Variants in EPHA6 observed in about 807,000 individuals in gnomAD.
EPHA6 encodes the protein ephrin type-A receptor 6.
In EPHA6, 50 loss-of-function variants were observed where a neutral mutation model predicts 112.0. That is an observed-to-expected ratio of 0.45 (90% confidence interval 0.36 to 0.56). The LOEUF is 0.56. EPHA6 is among the 20% of genes least tolerant of loss of function. The pLI, the probability that EPHA6 is intolerant of heterozygous loss-of-function variation, is 0.00. For synonymous variants in EPHA6, 529 were observed against 490.7 expected (o/e 1.08, Z -1.03); for missense variants, 1,280 against 1,417.4 (o/e 0.90, Z 1.56).
At chr3:97,196,467 T>G (rs763390828) in intron 3 of EPHA6, among the ~76,000 whole-genome samples, 5 of 152,060 alleles carry the variant, frequency 3.3e-5, no homozygotes, top group Non-Finnish European at 7.4e-5. Flanking sequence ...TCTCTGTCAC[T>G]CTGGGGTTGA....
At chr3:97,288,749 CT>C (rs1006101562) in intron 5 of EPHA6, among the ~76,000 whole-genome samples, 9 of 151,548 alleles carry the variant, frequency 5.9e-5, no homozygotes, top group Non-Finnish European at 1.2e-4. Flanking sequence ...TGTTTCTTGA[CT>C]TTTTTTATAA....
At chr3:97,162,041 T>A (rs1425467401) in intron 3 of EPHA6, among the ~76,000 whole-genome samples, 3 of 152,170 alleles carry the variant, frequency 2.0e-5, no homozygotes, top group Non-Finnish European at 4.4e-5. Flanking sequence ...GCATATCAGG[T>A]ACAAGATGAA....
rs115753789 is a variant in EPHA6 at position 97,059,202 on chromosome 3, A to G, written c.1114+71209A>G. Among the ~76,000 whole-genome samples the G allele has an allele frequency of 2.9e-3, 442 of 152,314 alleles. 3 individuals are homozygous for G. The highest frequency in any genetic ancestry group is 9.6e-3 in the African/African-American group (401 of 41,586). ...ATATGCCTCTTAGTATCTGATTTTCAGAGTCATTGAACTAGGTCTCTGAGA... is the reference window on the plus strand; with the variant it reads ...ATATGCCTCTTAGTATCTGATTTTCGGAGTCATTGAACTAGGTCTCTGAGA... On this transcript the variant is annotated intron_variant, in intron 3 of 17. Coordinates refer to ENST00000389672, the MANE Select transcript of EPHA6 (RefSeq NM_001080448.3).
In EPHA6 at chr3:97,750,930, T is replaced by G. The variant is rs1313332304; in HGVS notation, c.*2229T>G. Among the ~76,000 whole-genome samples the G allele has an allele frequency of 6.6e-6, 1 of 152,166 alleles. No homozygotes were observed. The highest frequency in any genetic ancestry group is 1.5e-5 in the Non-Finnish European group (1 of 68,028). On this transcript the variant is annotated 3_prime_UTR_variant, in exon 18 of 18. Transcript: ENST00000389672. Reference sequence around the variant, plus strand: ...TTCCAGCCATCAACCTGCATGGTTGTGCATCACTCATAGACTATCTGCAGT... The same window carrying G: ...TTCCAGCCATCAACCTGCATGGTTGGGCATCACTCATAGACTATCTGCAGT...
At chr3:97,656,156 T>A (rs1293043808) in intron 14 of EPHA6, among the ~76,000 whole-genome samples, 13 of 151,926 alleles carry the variant, frequency 8.6e-5, no homozygotes, top group Admixed American at 8.5e-4. Context: ...GGTAGCCTTC[T>A]GTTTGGTATA....
intron 2 of EPHA6, among the ~76,000 whole-genome samples, chr3:96,943,448 AT>A: frequency 6.6e-6 from 1 of 152,176 alleles, no homozygotes; most frequent in Non-Finnish European, 1.5e-5. Context: ...AAGATTTTTA[AT>A]ATCCTGAATT....
intron 5 of EPHA6, among the ~76,000 whole-genome samples, chr3:97,279,907 C>T (rs1157702171): frequency 2.0e-5 from 3 of 152,006 alleles, no homozygotes; most frequent in African/African-American, 7.3e-5. Context: ...TTTTTTGAGA[C>T]AGAGTCTTGC....
intron 10 of EPHA6, among the ~76,000 whole-genome samples, chr3:97,514,751 GA>G (rs2092421082): frequency 6.6e-6 from 1 of 152,064 alleles, no homozygotes; most frequent in East Asian, 1.9e-4. Context: ...TCATAGAAGA[GA>G]AAGAGAGAGA....
chr3:97,309,819 A>G (rs1022945608), intron 5 of EPHA6, among the ~76,000 whole-genome samples: 19 of 151,658 alleles, frequency 1.3e-4, no homozygotes, highest in African/African-American at 4.3e-4. Context: ...GAACAAACAA[A>G]ATGTTTTTAG....
At chr3:97,226,541 A>G in intron 4 of EPHA6, 122 bp downstream of exon 4, 1 of 901,718 alleles carries the variant, frequency 1.1e-6, no homozygotes, top group East Asian at 2.5e-5. Flanking sequence ...TGTCTGTGAT[A>G]ACAGTCAAGG....
At chr3:96,908,200 A>G (rs552231443) in intron 2 of EPHA6, among the ~76,000 whole-genome samples, 1 of 152,026 alleles carries the variant, frequency 6.6e-6, no homozygotes, top group African/African-American at 2.4e-5. Context: ...TTATACTAGT[A>G]TGGGACCACC....
intron 16 of EPHA6, among the ~76,000 whole-genome samples, chr3:97,743,534 A>G (rs2035593205): frequency 6.6e-6 from 1 of 152,140 alleles, no homozygotes; most frequent in African/African-American, 2.4e-5. Context: ...TTAACAAATT[A>G]TTAAGCATCC....
chr3:97,206,519 A>C (rs1015027385), intron 3 of EPHA6, among the ~76,000 whole-genome samples: 5 of 151,910 alleles, frequency 3.3e-5, no homozygotes, highest in Admixed American at 3.3e-4. Context: ...GCTTACATCT[A>C]TTTGCTCATT....
intron 11 of EPHA6, among the ~76,000 whole-genome samples, chr3:97,588,278 G>A (rs2093510261): frequency 6.6e-6 from 1 of 152,080 alleles, no homozygotes; most frequent in African/African-American, 2.4e-5. Flanking sequence ...AACAGAAGAG[G>A]ACCAAACACA....
At position 96,814,906 on chromosome 3, in the gene EPHA6, A is replaced by G. The variant is rs772574696; in HGVS notation, c.283A>G (p.Met95Val). The G allele has an allele frequency of 6.4e-7, 1 of 1,553,256 alleles. No individual in the cohort carries two copies. Among genetic ancestry groups the G allele is most frequent in the East Asian group, 2.4e-5 (1 of 40,962 alleles). ...RERKREPRRT[M>V]GGCEVREFLL... ...GAGGAAAAGAGAGCCTAGGAGAACC[A>G]TGGGGGGCTGCGAAGTCCGGGAATT... Residue 95 changes from methionine to valine, a missense_variant, in exon 1 of 18, where the codon ATG becomes GTG. By Grantham distance (21) the Met-to-Val change is conservative (BLOSUM62 1). Around this residue, in one of 4 missense-constraint regions of EPHA6, gnomAD observed 220 missense variants for 171.5 expected, o/e 1.28. Coordinates refer to ENST00000389672, the MANE Select transcript of EPHA6 (RefSeq NM_001080448.3).
chr3:97,269,149 T>C (rs749063590), intron 5 of EPHA6, among the ~76,000 whole-genome samples: 1 of 152,196 alleles, frequency 6.6e-6, no homozygotes, highest in Non-Finnish European at 1.5e-5. Context: ...AGATTTTAGA[T>C]ACACATACGC....
At chr3:96,944,761 G>A (rs1222670948) in intron 2 of EPHA6, among the ~76,000 whole-genome samples, 2 of 152,122 alleles carry the variant, frequency 1.3e-5, no homozygotes, top group Non-Finnish European at 2.9e-5. Flanking sequence ...CCAACATGGT[G>A]AAACCCCGTC....
At chr3:97,081,186 G>T (rs1047654969) in intron 3 of EPHA6, among the ~76,000 whole-genome samples, 3 of 151,828 alleles carry the variant, frequency 2.0e-5, no homozygotes, top group Non-Finnish European at 2.9e-5. Flanking sequence ...AGATAAGAAT[G>T]CAGAATTAAC....
intron 3 of EPHA6, among the ~76,000 whole-genome samples, chr3:97,169,957 C>T (rs2076647455): frequency 6.6e-6 from 1 of 151,986 alleles, no homozygotes; most frequent in Non-Finnish European, 1.5e-5. Context: ...CACAGTGGTG[C>T]TTGTCAGGGG....
Sources: allele counts gnomAD v4.1 joint callset (sites outside exome capture counted in the v4.1 genomes callset), GRCh38; gene constraint gnomAD v4.1.1; regional missense constraint gnomAD v4.1.1; transcripts MANE v1.5; gene names NCBI Gene and HGNC (gene_info 2026-07-23, HGNC 2026-07-21).